The following TANC1 variants were observed in gnomAD, a reference collection of about 807,000 sequenced individuals.
TANC1 encodes the protein tetratricopeptide repeat, ankyrin repeat and coiled-coil containing 1.
In TANC1, 77 loss-of-function variants were observed where a neutral mutation model predicts 149.7. That is an observed-to-expected ratio of 0.51 (90% confidence interval 0.43 to 0.62). TANC1 has a LOEUF of 0.62. TANC1 is among the 20% of genes least tolerant of loss of function. The pLI is 0.00. For missense variants in TANC1, 1,985 were observed against 2,321.8 expected, an observed-to-expected ratio of 0.85 and a Z score of 2.98; for synonymous variants, 854 against 925.0, an observed-to-expected ratio of 0.92 and a Z score of 1.39.
intron 2 of TANC1, among the ~76,000 whole-genome samples, chr2:159,022,100 G>A (rs974309904): frequency 1.8e-4 from 27 of 152,132 alleles, no homozygotes; most frequent in Admixed American, 3.3e-4. Context: ...AACTTTACTC[G>A]TTCCCAACAA....
At chr2:159,021,872 A>G (rs1320554235) in intron 2 of TANC1, among the ~76,000 whole-genome samples, 4 of 152,218 alleles carry the variant, frequency 2.6e-5, no homozygotes. Flanking sequence ...TCTGCTATAT[A>G]GGTCGTAAGG....
chr2:159,210,421 A>G (rs1156862989), intron 19 of TANC1, among the ~76,000 whole-genome samples: 1 of 152,198 alleles, frequency 6.6e-6, no homozygotes, highest in African/African-American at 2.4e-5. Context: ...CGGCAAGTTG[A>G]CAATTGAGTT....
Position 159,219,295 on chromosome 2 carries a change from C to T in TANC1, c.3436C>T (p.Arg1146Trp), listed in dbSNP as rs766839045. 1.2e-5 allele frequency: 19 copies of T among 1,614,016 alleles called. No individual in the cohort carries two copies. The highest frequency in any genetic ancestry group is 3.3e-5 in the Admixed American group (2 of 60,002). Residue 1146 changes from arginine (R) to tryptophan (W), a missense_variant, in exon 21 of 27, where the codon CGG becomes TGG. Physicochemically the swap from Arg to Trp is moderately radical, Grantham distance 101. Around this residue, in one of 3 missense-constraint regions of TANC1, gnomAD observed 920 missense variants for 994.7 expected, o/e 0.92. Coordinates refer to ENST00000263635, the MANE Select transcript of TANC1 (RefSeq NM_033394.3). Reference protein sequence around the residue: ...CDVNLSDKQGRTPLMVAACEG... With the variant: ...CDVNLSDKQGWTPLMVAACEG... ...TGTGAACCTAAGTGACAAGCAAGGC[C>T]GGACGCCCCTCATGGTGGCTGCTTG... is the stretch of plus-strand genomic sequence containing the variant.
intron 1 of TANC1, among the ~76,000 whole-genome samples, chr2:158,990,517 G>A (rs1422245549): frequency 2.0e-5 from 3 of 152,214 alleles, no homozygotes; most frequent in Admixed American, 1.3e-4. Flanking sequence ...CCTCTGCCTG[G>A]AGGGTTGGGA....
chr2:159,080,757 G>A (rs2044188970), intron 3 of TANC1, among the ~76,000 whole-genome samples: 1 of 152,150 alleles, frequency 6.6e-6, no homozygotes, highest in Non-Finnish European at 1.5e-5. Flanking sequence ...GGCTCCTTGA[G>A]GTGGAAGAGG....
intron 19 of TANC1, among the ~76,000 whole-genome samples, chr2:159,212,583 G>T (rs1301408872): frequency 6.6e-6 from 1 of 152,162 alleles, no homozygotes; most frequent in Non-Finnish European, 1.5e-5. Context: ...GATACCCAGA[G>T]AAATGAGTCA....
intron 3 of TANC1, among the ~76,000 whole-genome samples, chr2:159,079,923 C>T (rs189425184): frequency 6.6e-6 from 1 of 152,282 alleles, no homozygotes; most frequent in East Asian, 1.9e-4. Flanking sequence ...ATAAGAAGTG[C>T]ATGGGAGGGG....
intron 1 of TANC1, among the ~76,000 whole-genome samples, chr2:158,999,342 CAAAG>C (rs1353146977): frequency 1.3e-5 from 2 of 152,184 alleles, no homozygotes; most frequent in South Asian, 2.1e-4. Context: ...CAAAACTAGA[CAAAG>C]GAAGGAAATT....
At chr2:159,093,695 G>C (rs557386313) in intron 3 of TANC1, among the ~76,000 whole-genome samples, 1 of 152,286 alleles carries the variant, frequency 6.6e-6, no homozygotes, top group East Asian at 1.9e-4. Flanking sequence ...GTTTGAGAGT[G>C]ATTATAGTGA....
At chr2:159,176,834 C>G (rs766533467) in intron 13 of TANC1, among the ~76,000 whole-genome samples, 1 of 151,592 alleles carries the variant, frequency 6.6e-6, no homozygotes, top group Non-Finnish European at 1.5e-5. Context: ...TAAAGCTACT[C>G]CTGCTGGTAG....
chr2:159,149,017 C>A, intron 5 of TANC1, 125 bp from the exon 6 acceptor site: 1 of 1,166,186 alleles, frequency 8.6e-7, no homozygotes. Context: ...CGTTGTCCAA[C>A]TTTGTGCGCA....
intron 2 of TANC1, among the ~76,000 whole-genome samples, chr2:159,044,764 A>C (rs1243166503): frequency 6.6e-6 from 1 of 152,152 alleles, no homozygotes; most frequent in Admixed American, 6.5e-5. Context: ...ATACTGCCCC[A>C]AGGGGATGGG....
chr2:159,037,234 T>A (rs1441063547), intron 2 of TANC1, among the ~76,000 whole-genome samples: 1 of 152,194 alleles, frequency 6.6e-6, no homozygotes, highest in Non-Finnish European at 1.5e-5. Flanking sequence ...AAAATTTGCT[T>A]AAGTTCTTTG....
chr2:159,171,817 A>G (rs530419546), intron 10 of TANC1, among the ~76,000 whole-genome samples: 10 of 146,396 alleles, frequency 6.8e-5, no homozygotes, highest in African/African-American at 2.6e-4. Context: ...AGATGGCACC[A>G]CTGTACTCTA....
chr2:158,985,567 A>G (rs2034901406), intron 1 of TANC1, among the ~76,000 whole-genome samples: 1 of 152,172 alleles, frequency 6.6e-6, no homozygotes, highest in Non-Finnish European at 1.5e-5. Flanking sequence ...TTATTACTTC[A>G]GGTTACTTTC....
intron 2 of TANC1, among the ~76,000 whole-genome samples, chr2:159,046,185 T>G (rs1006496042): frequency 6.6e-6 from 1 of 152,020 alleles, no homozygotes; most frequent in Non-Finnish European, 1.5e-5. Context: ...CTTTAGAAAA[T>G]AGATAGGAAC....
chr2:159,169,236 G>A lies in TANC1; in HGVS notation c.947-14G>A, dbSNP rs773416113. 1 of 1,611,504 alleles carries A rather than the reference G, an allele frequency of 6.2e-7. No individual in the cohort carries two copies. ...TCACCTTTGAAGATACTAAACTTCAGTTTAATATTACAGCAACAAGCTCAA... is the reference window on the plus strand; with the variant it reads ...TCACCTTTGAAGATACTAAACTTCAATTTAATATTACAGCAACAAGCTCAA... On this transcript the variant is annotated splice_polypyrimidine_tract_variant and intron_variant, in intron 8 of 26. Coordinates refer to ENST00000263635, the MANE Select transcript of TANC1 (RefSeq NM_033394.3).
At chr2:159,139,144 G>A (rs919354825) in intron 5 of TANC1, among the ~76,000 whole-genome samples, 1 of 152,068 alleles carries the variant, frequency 6.6e-6, no homozygotes, top group South Asian at 2.1e-4. Context: ...GAGGTGGGAG[G>A]ATTGCTTGAG....
At chr2:159,109,753 G>A (rs894438460) in intron 4 of TANC1, among the ~76,000 whole-genome samples, 1 of 152,176 alleles carries the variant, frequency 6.6e-6, no homozygotes, top group Non-Finnish European at 1.5e-5. Flanking sequence ...TAATCACTCA[G>A]TAGCCCTCTC....
Sources: gnomAD v4.1 joint callset for allele counts (sites outside exome capture counted in the v4.1 genomes callset) on GRCh38, gnomAD v4.1.1 for gene constraint, gnomAD v4.1.1 regional missense constraint, MANE v1.5 for transcripts, NCBI Gene and HGNC (gene_info 2026-07-23, HGNC 2026-07-21) for gene names.